SORBS2: variants seen among roughly 807,000 people sequenced by gnomAD.
SORBS2 encodes the protein sorbin and SH3 domain containing 2.
In SORBS2, 46 loss-of-function variants were observed where a neutral mutation model predicts 97.7. That is an observed-to-expected ratio of 0.47 (90% CI 0.37 to 0.60). The LOEUF is 0.60. SORBS2 is among the 20% of genes least tolerant of loss of function. The pLI is 0.00. For synonymous variants in SORBS2, 476 were observed against 473.4 expected (o/e 1.01, Z -0.07); for missense variants, 1,316 against 1,282.3 (o/e 1.03, Z -0.40).
intron 1 of SORBS2, among the ~76,000 whole-genome samples, chr4:185,887,927 A>G (rs1240312512): frequency 1.3e-5 from 2 of 151,014 alleles, no homozygotes; most frequent in Admixed American, 1.3e-4. Context: ...ACTTTTTACT[A>G]AATTATCATG....
chr4:185,815,101 A>G (rs1467493342), intron 1 of SORBS2, among the ~76,000 whole-genome samples: 1 of 152,258 alleles, frequency 6.6e-6, no homozygotes, highest in African/African-American at 2.4e-5. Flanking sequence ...ATCAGCTATG[A>G]CAAGGACACT....
chr4:185,706,115 T>A (rs1277643339), intron 2 of SORBS2, among the ~76,000 whole-genome samples: 2 of 152,240 alleles, frequency 1.3e-5, no homozygotes, highest in African/African-American at 4.8e-5. Context: ...AACAGTATCA[T>A]GAAAATATTA....
chr4:185,770,975 CTTTTTTTTTTT>C (rs747070975), intron 2 of SORBS2: 1 of 72,728 alleles, frequency 1.4e-5, no homozygotes, highest in Non-Finnish European at 2.5e-5. Flanking sequence ...TCATCGTTTC[CTTTTTTTTTTT>C]TTTTTTTTTT....
intron 1 of SORBS2, among the ~76,000 whole-genome samples, chr4:185,938,071 A>G (rs1040737710): frequency 9.1e-5 from 13 of 143,328 alleles, no homozygotes; most frequent in Non-Finnish European, 1.3e-4. Context: ...GTGCAGTGGC[A>G]TGATCTCGGC....
At chr4:185,891,729 C>T (rs996746632) in intron 1 of SORBS2, among the ~76,000 whole-genome samples, 17 of 152,196 alleles carry the variant, frequency 1.1e-4, no homozygotes, top group South Asian at 2.1e-4. Context: ...CTATCTCCTA[C>T]GTGCTGTGGC....
chr4:185,954,023 T>C (rs2099278457), intron 1 of SORBS2, among the ~76,000 whole-genome samples: 1 of 152,220 alleles, frequency 6.6e-6, no homozygotes, highest in Non-Finnish European at 1.5e-5. Context: ...GTCCTGAATG[T>C]TTTATTGATG....
At position 185,929,814 on chromosome 4, in the gene SORBS2, A is replaced by G. The variant is rs182973283; in HGVS notation, c.-338+26382T>C. Among the ~76,000 whole-genome samples, 403 of 152,250 alleles carry G rather than the reference A, an allele frequency of 2.6e-3. 4 individuals carry two copies. Among genetic ancestry groups the G allele is most frequent in the African/African-American group, 9.2e-3 (384 of 41,554 alleles). On this transcript the variant is annotated intron_variant, in intron 1 of 20. Coordinates refer to the SORBS2 transcript ENST00000284776. Reference sequence around the variant, plus strand: ...CCCTCAAAGTGCTGGGATTACAGGCATGAGCCACTGTGCCTGGCCGCAAAG... The same window carrying G: ...CCCTCAAAGTGCTGGGATTACAGGCGTGAGCCACTGTGCCTGGCCGCAAAG...
At chr4:185,802,387 A>G (rs2099135005) in intron 1 of SORBS2, among the ~76,000 whole-genome samples, 2 of 152,202 alleles carry the variant, frequency 1.3e-5, no homozygotes, top group African/African-American at 4.8e-5. Flanking sequence ...AGTAAATTAT[A>G]TGAAAATGCA....
intron 1 of SORBS2, among the ~76,000 whole-genome samples, chr4:185,785,513 G>A (rs1220657281): frequency 6.6e-6 from 1 of 152,194 alleles, no homozygotes; most frequent in Non-Finnish European, 1.5e-5. Context: ...GCCAAGAGCT[G>A]TGTGAGAGTG....
intron 1 of SORBS2, among the ~76,000 whole-genome samples, chr4:185,814,812 A>T (rs28427146): frequency 6.6e-6 from 1 of 151,936 alleles, no homozygotes; most frequent in Non-Finnish European, 1.5e-5. Flanking sequence ...CTCTGCTGCC[A>T]GTCTGTTCTT....
intron 1 of SORBS2, among the ~76,000 whole-genome samples, chr4:185,916,695 C>T (rs1364048771): frequency 6.6e-6 from 1 of 152,160 alleles, no homozygotes; most frequent in East Asian, 1.9e-4. Flanking sequence ...TTGATTGTCA[C>T]AACTAGGGAG....
At chr4:185,809,950 G>A (rs2099172708) in intron 1 of SORBS2, among the ~76,000 whole-genome samples, 2 of 152,138 alleles carry the variant, frequency 1.3e-5, no homozygotes, top group Non-Finnish European at 2.9e-5. Flanking sequence ...AAATCCTTTG[G>A]CAGTGTAAAG....
At chr4:185,624,409 G>A in exon 7 of SORBS2, 1 of 1,614,128 alleles carries the variant, frequency 6.2e-7, no homozygotes. Context: ...GTCTGTAAGT[G>A]CTACAGTAAT....
intron 4 of SORBS2, among the ~76,000 whole-genome samples, chr4:185,672,664 G>A (rs1178995594): frequency 6.6e-6 from 1 of 152,190 alleles, no homozygotes; most frequent in African/African-American, 2.4e-5. Context: ...TTAATGAGCA[G>A]ACATTAATAA....
At chr4:185,621,600 G>A (rs1395265401) in intron 7 of SORBS2, among the ~76,000 whole-genome samples, 1 of 151,442 alleles carries the variant, frequency 6.6e-6, no homozygotes, top group Non-Finnish European at 1.5e-5. Context: ...TTTGAAGCAT[G>A]TTGCTTCAGC....
intron 2 of SORBS2, 39 bp downstream of exon 11, chr4:185,651,745 G>C: frequency 8.6e-7 from 1 of 1,159,926 alleles, no homozygotes; most frequent in Non-Finnish European, 1.3e-6. Flanking sequence ...ACATTGCTGA[G>C]CATAAAATAG....
chr4:185,726,905 G>A (rs2153566484), intron 2 of SORBS2, among the ~76,000 whole-genome samples: 1 of 152,268 alleles, frequency 6.6e-6, no homozygotes, highest in South Asian at 2.1e-4. Flanking sequence ...TCTTTAAATA[G>A]GAGACACATT....
At chr4:185,908,974 C>G (rs939405426) in intron 1 of SORBS2, among the ~76,000 whole-genome samples, 1 of 151,628 alleles carries the variant, frequency 6.6e-6, no homozygotes, top group Admixed American at 6.6e-5. Context: ...AATCCCACTA[C>G]TGGGTTTCTA....
chr4:185,728,563 T>G (rs2098583365), intron 2 of SORBS2, among the ~76,000 whole-genome samples: 1 of 152,228 alleles, frequency 6.6e-6, no homozygotes, highest in Non-Finnish European at 1.5e-5. Flanking sequence ...CTCTTGTTTC[T>G]AAATCTGGTT....
Sources: gnomAD v4.1 joint callset for allele counts (sites outside exome capture counted in the v4.1 genomes callset) on GRCh38, gnomAD v4.1.1 for gene constraint, MANE v1.5 for transcripts, NCBI Gene and HGNC (gene_info 2026-07-23, HGNC 2026-07-21) for gene names.